PLD1: variants seen among roughly 807,000 people sequenced by gnomAD.
PLD1 encodes the protein phospholipase D1.
In PLD1, 112 loss-of-function variants were observed where a neutral mutation model predicts 137.1. That is an observed-to-expected ratio of 0.82 (90% CI 0.70 to 0.96). The LOEUF is 0.96. Ranked by LOEUF, PLD1 falls within the 40% of genes least tolerant of loss-of-function variation. PLD1 has a pLI of 0.00. For synonymous variants in PLD1, 431 were observed against 454.7 expected (o/e 0.95, Z 0.66); for missense variants, 1,321 against 1,342.0 (o/e 0.98, Z 0.24).
intron 13 of PLD1, 147 bp downstream of exon 13, chr3:171,692,185 T>C (rs989843433): frequency 3.7e-6 from 2 of 536,680 alleles, no homozygotes; most frequent in African/African-American, 2.0e-5. Context: ...AAGTACAGTA[T>C]TTTGCTTTAT....
intron 21 of PLD1, among the ~76,000 whole-genome samples, chr3:171,646,675 CAAAA>C (rs77696811): frequency 1.1e-5 from 1 of 89,516 alleles, no homozygotes; most frequent in African/African-American, 3.6e-5. Context: ...AAAGAACAGA[CAAAA>C]AAAAAAAAAA....
At chr3:171,646,245 T>A (rs1299175883) in intron 21 of PLD1, among the ~76,000 whole-genome samples, 3 of 152,254 alleles carry the variant, frequency 2.0e-5, no homozygotes, top group African/African-American at 7.2e-5. Context: ...CCGGGAGGAC[T>A]ATATTCACAC....
intron 1 of PLD1, among the ~76,000 whole-genome samples, chr3:171,783,888 C>T (rs1487835745): frequency 1.3e-5 from 2 of 152,124 alleles, no homozygotes; most frequent in Non-Finnish European, 2.9e-5. Flanking sequence ...CTCAAGTGAT[C>T]TGCCTGCCTT....
At chr3:171,721,805 A>C (rs147673712) in intron 8 of PLD1, among the ~76,000 whole-genome samples, 479 of 152,014 alleles carry the variant, frequency 3.2e-3, no homozygotes, top group African/African-American at 0.011. Flanking sequence ...AAGAAAAAAA[A>C]CTTTTTTCCC....
intron 1 of PLD1, among the ~76,000 whole-genome samples, chr3:171,801,604 T>C (rs1257243733): frequency 2.0e-5 from 3 of 152,294 alleles, no homozygotes; most frequent in Non-Finnish European, 2.9e-5. Context: ...AATTTTTGTA[T>C]TTTTAGTAGA....
In PLD1 at chr3:171,784,729, C is replaced by T. The variant is rs58989380; in HGVS notation, c.-32+25670G>A. Among the ~76,000 whole-genome samples the T allele has an allele frequency of 2.7e-3, 410 of 152,294 alleles. 2 individuals carry two copies. Among genetic ancestry groups the T allele is most frequent in the African/African-American group, 8.9e-3 (368 of 41,546 alleles). ...CACAGGCTCCAAGCCAGACAGTGAC[C>T]ACACTCCTCTAGAACCACCAAAGCT... On this transcript the variant is annotated intron_variant, in intron 1 of 26. Coordinates refer to ENST00000351298, the MANE Select transcript of PLD1 (RefSeq NM_002662.5).
intron 26 of PLD1, among the ~76,000 whole-genome samples, chr3:171,603,805 T>C (rs1481415087): frequency 6.6e-6 from 1 of 152,202 alleles, no homozygotes; most frequent in Non-Finnish European, 1.5e-5. Flanking sequence ...TAAGGACATG[T>C]GCCTATATAA....
At chr3:171,640,075 C>T (rs900810383) in intron 23 of PLD1, among the ~76,000 whole-genome samples, 3 of 151,762 alleles carry the variant, frequency 2.0e-5, no homozygotes, top group Non-Finnish European at 4.4e-5. Context: ...GTCAGTCCAC[C>T]TAAAGTTTGT....
chr3:171,635,406 T>C (rs991192120), intron 23 of PLD1, among the ~76,000 whole-genome samples: 1 of 152,128 alleles, frequency 6.6e-6, no homozygotes, highest in Non-Finnish European at 1.5e-5. Flanking sequence ...GGTTCCACTA[T>C]TTACACATCC....
chr3:171,796,323 T>C (rs1234616550), intron 1 of PLD1, among the ~76,000 whole-genome samples: 1 of 152,220 alleles, frequency 6.6e-6, no homozygotes, highest in African/African-American at 2.4e-5. Context: ...GTTTAAAATA[T>C]ATACATAGAG....
chr3:171,734,905 G>A lies in PLD1; in HGVS notation c.500C>T (p.Ser167Phe). The A allele has an allele frequency of 6.2e-7, 1 of 1,613,106 alleles. No homozygotes were observed. The highest frequency in any genetic ancestry group is 8.5e-7 in the Non-Finnish European group (1 of 1,179,098). Residue 167 changes from serine to phenylalanine, a missense_variant, in exon 5 of 27, where the codon TCT (serine) becomes TTT (phenylalanine). Physicochemically the swap from Ser to Phe is radical, Grantham distance 155. Transcript: ENST00000351298. ...PREMPSLPRS[S>F]ENMIREEQFL... Reference sequence around the variant, plus strand: ...TTGTTCTTCTCTTATCATGTTTTCAGATGAACGGGGCAAACTGGGCATCTC... The same window carrying A: ...TTGTTCTTCTCTTATCATGTTTTCAAATGAACGGGGCAAACTGGGCATCTC...
Position 171,735,584 on chromosome 3 carries a change from C to A in PLD1, c.342G>T (p.Trp114Cys), listed in dbSNP as rs766269167. ...AATGCTTGAATTTCCTCTTAACTTGCCATTTAAATTCCCCATGTGTTAATT... is the reference window on the plus strand; with the variant it reads ...AATGCTTGAATTTCCTCTTAACTTGACATTTAAATTCCCCATGTGTTAATT... Reference protein sequence around the residue: ...TIELTHGEFKWQVKRKFKHFQ... With the variant: ...TIELTHGEFKCQVKRKFKHFQ... Residue 114 changes from tryptophan to cysteine, a missense_variant, in exon 4 of 27, where the codon TGG (tryptophan) becomes TGT (cysteine). Transcript: ENST00000351298. 2.5e-5 allele frequency: 40 copies of A among 1,576,706 alleles called. No individual in the cohort carries two copies. The highest frequency in any genetic ancestry group is 3.4e-5 in the Non-Finnish European group (39 of 1,146,010).
chr3:171,635,390 T>C (rs1472953996), intron 23 of PLD1, among the ~76,000 whole-genome samples: 1 of 152,118 alleles, frequency 6.6e-6, no homozygotes, highest in East Asian at 1.9e-4. Flanking sequence ...AACAGTAATG[T>C]GTTAGGGTTC....
rs981451787 is a variant in PLD1 at position 171,709,481 on chromosome 3, C to G, written c.1061+79G>C. 65 of 1,245,142 alleles carry G rather than the reference C, an allele frequency of 5.2e-5. 1 individual carries two copies. Among genetic ancestry groups the G allele is most frequent in the Admixed American group, 3.9e-4 (19 of 48,482 alleles). The allele number at this position is 1,245,142 out of a possible 1,614,324, so 77.1% of individuals were successfully genotyped here. A position where few individuals can be genotyped will look rare whatever the true frequency, so the allele number is the denominator to read the frequency against. On this transcript the variant is annotated intron_variant, in intron 10 of 26. Coordinates refer to ENST00000351298, the MANE Select transcript of PLD1 (RefSeq NM_002662.5). Reference sequence around the variant, plus strand: ...GCATAATCTTTCACAGTTTTGAAAACTGATTCCAGGTGAATTTAGGCCAGT... The same window carrying G: ...GCATAATCTTTCACAGTTTTGAAAAGTGATTCCAGGTGAATTTAGGCCAGT...
chr3:171,764,872 A>G (rs866444401), intron 1 of PLD1, among the ~76,000 whole-genome samples: 288 of 25,924 alleles, frequency 0.011, 30 homozygotes, highest in African/African-American at 0.014. Context: ...AGAAAGAAAG[A>G]AAGAAAGAAA....
rs1029420529 is a variant in PLD1, at chr3:171,792,402, C to G, written c.-32+17997G>C. The G allele has an allele frequency of 3.6e-5, 13 of 360,044 alleles. No homozygotes were observed. The Admixed American group carries it at 4.9e-4, about 14-fold the overall frequency. The allele number at this position is 360,044 out of a possible 1,614,324, so 22.3% of individuals were successfully genotyped here. A position where few individuals can be genotyped will look rare whatever the true frequency, so the allele number is the denominator to read the frequency against. On this transcript the variant is annotated intron_variant, in intron 1 of 26. Coordinates refer to ENST00000351298, the MANE Select transcript of PLD1 (RefSeq NM_002662.5). Reference sequence around the variant, plus strand: ...TAAGAGTAGTGGGGGCTGGGTGGCCCCAAATGAGATTCTTATATTCTGGGA... The same window carrying G: ...TAAGAGTAGTGGGGGCTGGGTGGCCGCAAATGAGATTCTTATATTCTGGGA...
At chr3:171,804,490 G>A (rs56221325) in intron 1 of PLD1, among the ~76,000 whole-genome samples, 45,864 of 152,006 alleles carry the variant, frequency 0.3, 7,446 homozygotes, top group Admixed American at 0.36. Context: ...CACATCTATT[G>A]TACACTACAA....
At chr3:171,712,543 T>A (rs948148638) in intron 9 of PLD1, among the ~76,000 whole-genome samples, 2 of 151,956 alleles carry the variant, frequency 1.3e-5, no homozygotes, top group Non-Finnish European at 2.9e-5. Flanking sequence ...GCTGCCTTCA[T>A]AGAACCTGCA....
In PLD1 at chr3:171,749,379, C is replaced by T. The variant is rs114534825; in HGVS notation, c.-31-11297G>A. Among the ~76,000 whole-genome samples the T allele has an allele frequency of 1.9e-3, 296 of 152,202 alleles. 1 individual carries two copies. Among genetic ancestry groups the T allele is most frequent in the African/African-American group, 6.6e-3 (274 of 41,520 alleles). On this transcript the variant is annotated intron_variant, in intron 1 of 26. Coordinates refer to ENST00000351298, the MANE Select transcript of PLD1 (RefSeq NM_002662.5). ...CTTACAAAAAAACCCAGAGCTTCAGCGAGCTACACTGCCTATTTAAAAGGG... is the reference window on the plus strand; with the variant it reads ...CTTACAAAAAAACCCAGAGCTTCAGTGAGCTACACTGCCTATTTAAAAGGG...
Sources: allele counts gnomAD v4.1 joint callset (sites outside exome capture counted in the v4.1 genomes callset), GRCh38; gene constraint gnomAD v4.1.1; transcripts MANE v1.5; gene names NCBI Gene and HGNC (gene_info 2026-07-23, HGNC 2026-07-21).